TUBB6: variants seen among roughly 807,000 people sequenced by gnomAD.
The protein encoded by TUBB6 is tubulin beta-6 chain.
In TUBB6, 18 loss-of-function variants were observed where a neutral mutation model predicts 32.3. That is an observed-to-expected ratio of 0.56 (90% confidence interval 0.39 to 0.83). TUBB6 has a LOEUF of 0.83. Ranked by LOEUF, TUBB6 falls within the 40% of genes least tolerant of loss-of-function variation. The pLI is 0.00. For missense variants in TUBB6, 480 were observed against 632.0 expected (o/e 0.76, Z 2.58); for synonymous variants, 280 against 265.8 (o/e 1.05, Z -0.52).
chr18:12,320,030 C>T (rs552457737), intron 3 of TUBB6, among the ~76,000 whole-genome samples: 1 of 152,082 alleles, frequency 6.6e-6, no homozygotes, highest in South Asian at 2.1e-4. Flanking sequence ...CCTCGTGATC[C>T]ACCCGCCTCG....
Position 12,325,880 on chromosome 18 carries a change from C to T in TUBB6, c.1091C>T (p.Ala364Val). 6.2e-7 allele frequency: 1 copy of T among 1,614,138 alleles called. No homozygotes were observed. Among genetic ancestry groups the T allele is most frequent in the East Asian group, 2.2e-5 (1 of 44,884 alleles). Residue 364 changes from alanine to valine, a missense_variant, in exon 4 of 4, where the codon GCC (alanine) becomes GTC (valine). Physicochemically the swap from Ala to Val is moderately conservative, Grantham distance 64. Coordinates refer to ENST00000317702, the MANE Select transcript of TUBB6 (RefSeq NM_032525.3). ...ATCCCGCCCCGCGGCCTGAAGATGG[C>T]CTCCACCTTCATCGGCAACAGCACG... Reference protein sequence around the residue: ...CDIPPRGLKMASTFIGNSTAI... With the variant: ...CDIPPRGLKMVSTFIGNSTAI...
intron 3 of TUBB6, among the ~76,000 whole-genome samples, chr18:12,318,788 C>T (rs564585690): frequency 7.4e-6 from 1 of 134,754 alleles, no homozygotes; most frequent in Non-Finnish European, 1.6e-5. Context: ...GATGGGGTCT[C>T]GCCTTGTCAC....
upstream of TUBB6, chr18:12,308,220 G>T (rs563617001): frequency 3.6e-5 from 42 of 1,173,678 alleles, no homozygotes; most frequent in African/African-American, 6.8e-4. Flanking sequence ...GTCGGCCCCG[G>T]GACGCGCGCA....
At chr18:12,325,009 G>C (rs1358036963) in intron 3 of TUBB6, 58 bp from the exon 4 acceptor site, 5 of 1,524,596 alleles carry the variant, frequency 3.3e-6, no homozygotes, top group Non-Finnish European at 4.4e-6. Flanking sequence ...CGGTGACCAA[G>C]CATGGTGATG....
At chr18:12,328,953 A>T (rs974112845), downstream of TUBB6, 3 of 545,356 alleles carry the variant, frequency 5.5e-6, no homozygotes, top group Non-Finnish European at 9.8e-6. Flanking sequence ...GTGTGTTCAG[A>T]AAAGTACAGT....
At chr18:12,312,357 C>T (rs1906429402) in intron 3 of TUBB6, among the ~76,000 whole-genome samples, 1 of 150,956 alleles carries the variant, frequency 6.6e-6, no homozygotes, top group African/African-American at 2.5e-5. Flanking sequence ...GACTGAGAGG[C>T]AGACAGTGTA....
chr18:12,314,336 C>T (rs1291243935), intron 3 of TUBB6, among the ~76,000 whole-genome samples: 1 of 152,006 alleles, frequency 6.6e-6, no homozygotes, highest in Non-Finnish European at 1.5e-5. Flanking sequence ...CAGTCTTCTC[C>T]TTGAGGTTCA....
chr18:12,314,264 C>G (rs1023624068), intron 3 of TUBB6, among the ~76,000 whole-genome samples: 1 of 152,134 alleles, frequency 6.6e-6, no homozygotes, highest in Non-Finnish European at 1.5e-5. Context: ...GGGTCACAGA[C>G]CCCTGTAAGA....
chr18:12,324,983 T>G (rs1004031075), intron 3 of TUBB6, 84 bp from the exon 4 acceptor site: 1 of 1,518,834 alleles, frequency 6.6e-7, no homozygotes, highest in African/African-American at 1.4e-5. Flanking sequence ...ATGGAATCAC[T>G]TCACACCCTC....
chr18:12,308,142 G>C (rs1906088104), upstream of TUBB6: 1 of 300,506 alleles, frequency 3.3e-6, no homozygotes, highest in Non-Finnish European at 4.9e-6. Context: ...CCGCGGCGTC[G>C]AGCGGGGGCG....
chr18:12,310,039 G>A (rs1368591649), intron 2 of TUBB6, among the ~76,000 whole-genome samples: 1 of 152,166 alleles, frequency 6.6e-6, no homozygotes, highest in African/African-American at 2.4e-5. Context: ...CAGGAAAGAG[G>A]TGTCAGGGTG....
At chr18:12,313,957 G>A (rs759520426) in intron 3 of TUBB6, among the ~76,000 whole-genome samples, 4 of 152,152 alleles carry the variant, frequency 2.6e-5, no homozygotes, top group Non-Finnish European at 4.4e-5. Flanking sequence ...ATAAAGACCT[G>A]ACTTGGATAA....
intron 1 of TUBB6, 70 bp from the exon 2 acceptor site, chr18:12,308,617 G>C: frequency 8.4e-7 from 1 of 1,196,680 alleles, no homozygotes; most frequent in Non-Finnish European, 1.2e-6. Context: ...GGCGCCTGGG[G>C]TGGGCGCGGG....
intron 3 of TUBB6, among the ~76,000 whole-genome samples, chr18:12,317,956 A>G (rs1906760687): frequency 6.6e-6 from 1 of 152,186 alleles, no homozygotes; most frequent in Admixed American, 6.5e-5. Flanking sequence ...TATTCATGCT[A>G]TAAATATTGA....
chr18:12,324,095 C>T (rs1335785872), intron 3 of TUBB6, among the ~76,000 whole-genome samples: 4 of 152,152 alleles, frequency 2.6e-5, no homozygotes, highest in Admixed American at 6.5e-5. Context: ...TTGGGCCGGG[C>T]GCCGTGGCTC....
intron 3 of TUBB6, among the ~76,000 whole-genome samples, chr18:12,312,669 T>C (rs1350456001): frequency 1.3e-5 from 2 of 150,378 alleles, no homozygotes; most frequent in Non-Finnish European, 3.0e-5. Context: ...GGGTTTTTTT[T>C]CTGACTCCCA....
Position 12,308,284 on chromosome 18 carries a change from G to T in TUBB6, c.-9G>T. The stretch of plus-strand genomic sequence containing the variant: ...CAGAGCCAGTTCCTAGCGCAGAGCC[G>T]CGCCCGCCATGAGGGAGATCGTGCA... On this transcript the variant is annotated 5_prime_UTR_variant, in exon 1 of 4. Transcript: ENST00000317702. The T allele has an allele frequency of 6.9e-7, 1 of 1,443,686 alleles. No homozygotes were observed. The allele number at this position is 1,443,686 out of a possible 1,614,324, so 89.4% of individuals were successfully genotyped here.
intron 3 of TUBB6, among the ~76,000 whole-genome samples, chr18:12,323,653 A>G (rs551567189): frequency 6.6e-6 from 1 of 152,112 alleles, no homozygotes; most frequent in East Asian, 1.9e-4. Context: ...TAAAAAATAC[A>G]AAAAATTAGC....
At chr18:12,327,542 A>G (rs1397358142), downstream of TUBB6, among the ~76,000 whole-genome samples, 1 of 152,214 alleles carries the variant, frequency 6.6e-6, no homozygotes, top group Non-Finnish European at 1.5e-5. Flanking sequence ...AATCTGAACT[A>G]TTCTGAGACC....
Sources: gnomAD v4.1 joint callset for allele counts (sites outside exome capture counted in the v4.1 genomes callset) on GRCh38, gnomAD v4.1.1 for gene constraint, MANE v1.5 for transcripts, NCBI Gene and HGNC (gene_info 2026-07-23, HGNC 2026-07-21) for gene names.